CASZ1: variants seen among roughly 807,000 people sequenced by gnomAD.
CASZ1 encodes castor zinc finger 1, also known as zinc finger protein castor homolog 1.
In CASZ1, 28 loss-of-function variants were observed where a neutral mutation model predicts 135.2. The observed-to-expected ratio is 0.21, with a 90% CI of 0.15 to 0.28. The LOEUF is 0.28. Among genes scored for constraint, CASZ1 ranks in the 10% least tolerant of loss-of-function variants. The probability of loss-of-function intolerance (pLI) is 1.00; values close to 1 mark genes in which losing one functional copy is unlikely to be tolerated. For missense variants in CASZ1, 2,161 were observed against 2,453.3 expected, an observed-to-expected ratio of 0.88 and a Z score of 2.52; for synonymous variants, 1,068 against 1,073.4, an observed-to-expected ratio of 0.99 and a Z score of 0.10.
chr1:10,654,504 C>T lies in CASZ1; in HGVS notation c.1753G>A (p.Gly585Ser), dbSNP rs1642722275. 3 of 1,614,122 alleles carry T rather than the reference C, an allele frequency of 1.9e-6. No homozygotes were observed. Among genetic ancestry groups the T allele is most frequent in the Non-Finnish European group, 2.5e-6 (3 of 1,180,054 alleles). The change falls in exon 10 of 21, where the codon GGC becomes AGC. Residue 585 changes from glycine to serine, a missense_variant. Physicochemically the swap from Gly to Ser is moderately conservative, Grantham distance 56. This residue lies in a region of CASZ1 where 248 missense variants were observed against 410.8 expected (regional missense o/e 0.60). Coordinates refer to ENST00000377022, the MANE Select transcript of CASZ1 (RefSeq NM_001079843.3). ...HKKNTQLIND[G>S]FQRFRATEDC... ...TCGGTGGCTCGGAAGCGCTGGAAGC[C>T]GTCGTTAATGAGCTGGGTATTCTTC... is the stretch of plus-strand genomic sequence containing the variant.
At chr1:10,688,955 T>C (rs553564063) in intron 4 of CASZ1, among the ~76,000 whole-genome samples, 2 of 152,036 alleles carry the variant, frequency 1.3e-5, no homozygotes, top group Admixed American at 1.3e-4. Context: ...ATTACTACAG[T>C]GCAACTTCCT....
At position 10,741,787 on chromosome 1, in the gene CASZ1, T is replaced by A. The variant is rs187181271; in HGVS notation, c.-77+18914A>T. 2.0e-4 allele frequency among the ~76,000 whole-genome samples: 30 copies of A among 152,082 alleles called. No homozygotes were observed. The East Asian group carries it at 5.6e-3, about 29-fold the overall frequency. On this transcript the variant is annotated intron_variant, in intron 2 of 20. Transcript: ENST00000377022. This position sits in a 1 kb window ranked among gnomAD's most constrained non-coding sequence, Gnocchi z 5.0. The stretch of plus-strand genomic sequence containing the variant: ...AGTCTTTACAAACGACTTTTATACA[T>A]ATTTATATATATATATAGTTATATA...
At chr1:10,740,135 T>A (rs976153877) in intron 2 of CASZ1, among the ~76,000 whole-genome samples, 3 of 152,240 alleles carry the variant, frequency 2.0e-5, no homozygotes, top group African/African-American at 7.2e-5. Flanking sequence ...CCCCATAGGA[T>A]ACGAGTTACC....
intron 4 of CASZ1, among the ~76,000 whole-genome samples, chr1:10,690,566 G>A (rs1030335790): frequency 1.4e-4 from 21 of 152,198 alleles, no homozygotes; most frequent in Admixed American, 1.4e-3. Context: ...GGGGGTCCTG[G>A]CCTGGAGCCC....
chr1:10,675,474 G>A (rs368503310), intron 4 of CASZ1, among the ~76,000 whole-genome samples: 50 of 152,122 alleles, frequency 3.3e-4, no homozygotes, highest in African/African-American at 1.2e-3. Flanking sequence ...AGGCCTGGGT[G>A]GGGAGGCTTC....
At position 10,700,704 on chromosome 1, in the gene CASZ1, G is replaced by T. The variant is rs1286420619; in HGVS notation, c.-24+4788C>A. 6.6e-6 allele frequency among the ~76,000 whole-genome samples: 1 copy of T among 152,106 alleles called. No homozygotes were observed. Among genetic ancestry groups the T allele is most frequent in the Non-Finnish European group, 1.5e-5 (1 of 68,020 alleles). The stretch of plus-strand genomic sequence containing the variant: ...CAGGCACTGACCCTCTACCTTCCCA[G>T]CATCTTCAGGAAATCATCGTTAGTG... On this transcript the variant is annotated intron_variant, in intron 3 of 20. Coordinates refer to ENST00000377022, the MANE Select transcript of CASZ1 (RefSeq NM_001079843.3). This position sits in a 1 kb window ranked among gnomAD's most constrained non-coding sequence, Gnocchi z 4.2.
intron 3 of CASZ1, among the ~76,000 whole-genome samples, chr1:10,696,425 G>A (rs558229252): frequency 6.6e-6 from 1 of 152,382 alleles, no homozygotes; most frequent in African/African-American, 2.4e-5. Context: ...CTGGGAGTAT[G>A]ACTGCCCGTA....
At chr1:10,677,083 GC>G (rs1055720561) in intron 4 of CASZ1, among the ~76,000 whole-genome samples, 2 of 152,142 alleles carry the variant, frequency 1.3e-5, no homozygotes, top group Admixed American at 6.5e-5. Context: ...GGGCTCCATC[GC>G]CCCCCGCCTC....
At chr1:10,793,980 C>T (rs1641011986) in intron 1 of CASZ1, among the ~76,000 whole-genome samples, 1 of 152,162 alleles carries the variant, frequency 6.6e-6, no homozygotes, top group Admixed American at 6.5e-5. Flanking sequence ...GGACGCAAAC[C>T]CGGCGCTTTG....
rs1341171157 is a variant in CASZ1 at position 10,739,435 on chromosome 1, T to C, written c.-77+21266A>G. 1.3e-5 allele frequency among the ~76,000 whole-genome samples: 2 copies of C among 152,030 alleles called. No homozygotes were observed. Among genetic ancestry groups the C allele is most frequent in the African/African-American group, 4.8e-5 (2 of 41,368 alleles). Reference sequence around the variant, plus strand: ...GGAAGGGCATGGGGCACAGCATGTGTGTGGCCCACACAAGGGCGGTCTGCT... The same window carrying C: ...GGAAGGGCATGGGGCACAGCATGTGCGTGGCCCACACAAGGGCGGTCTGCT... On this transcript the variant is annotated intron_variant, in intron 2 of 20. Transcript: ENST00000377022. This position sits in a 1 kb window ranked among gnomAD's most constrained non-coding sequence, Gnocchi z 4.8.
chr1:10,664,479 G>A (rs1643162310), intron 5 of CASZ1, among the ~76,000 whole-genome samples: 1 of 152,184 alleles, frequency 6.6e-6, no homozygotes, highest in Admixed American at 6.5e-5. Flanking sequence ...GCAGCTGGCT[G>A]TAAGAGGATA....
chr1:10,739,183 G>A lies in CASZ1; in HGVS notation c.-77+21518C>T, dbSNP rs544564840. Among the ~76,000 whole-genome samples, 8 of 152,192 alleles carry A rather than the reference G, an allele frequency of 5.3e-5. No individual in the cohort carries two copies. The highest frequency in any genetic ancestry group is 1.9e-4 in the East Asian group (1 of 5,170). On this transcript the variant is annotated intron_variant, in intron 2 of 20. Coordinates refer to ENST00000377022, the MANE Select transcript of CASZ1 (RefSeq NM_001079843.3). This position sits in a 1 kb window ranked among gnomAD's most constrained non-coding sequence, Gnocchi z 4.8. Reference sequence around the variant, plus strand: ...GGAGGGTGGCTGCTCTTTTCAGGCCGGCGGCCAGTCCCCGGGCGTACAGCG... The same window carrying A: ...GGAGGGTGGCTGCTCTTTTCAGGCCAGCGGCCAGTCCCCGGGCGTACAGCG...
intron 1 of CASZ1, among the ~76,000 whole-genome samples, chr1:10,785,075 C>CTCCT (rs1387815609): frequency 1.4e-5 from 1 of 72,742 alleles, no homozygotes; most frequent in South Asian, 3.6e-4. Context: ...CTCTCTCTCC[C>CTCCT]TCCTTCCTTC....
At position 10,638,193 on chromosome 1, in the gene CASZ1, AT is replaced by A. The variant is rs564213932; in HGVS notation, c.*748del. 5.7e-4 allele frequency: 87 copies of A among 152,542 alleles called. 1 individual carries two copies. The highest frequency in any genetic ancestry group is 1.7e-3 in the African/African-American group (72 of 41,586). The allele number at this position is 152,542 out of a possible 1,614,324, so 9.4% of individuals were successfully genotyped here. ...TCTTGTATTTTTTTCCATTTTGAAC[AT>A]TAAAGCCAAAACCAGGCGCATCCTT... is the stretch of plus-strand genomic sequence containing the variant. On this transcript the variant is annotated 3_prime_UTR_variant, in exon 21 of 21. Coordinates refer to ENST00000377022, the MANE Select transcript of CASZ1 (RefSeq NM_001079843.3). This position sits in a 1 kb window ranked among gnomAD's most constrained non-coding sequence, Gnocchi z 5.9.
intron 2 of CASZ1, among the ~76,000 whole-genome samples, chr1:10,754,871 A>G (rs905022035): frequency 6.6e-6 from 1 of 152,148 alleles, no homozygotes; most frequent in South Asian, 2.1e-4. Context: ...TTACTAAGGG[A>G]AAAAAAAGTC....
chr1:10,639,250 C>A lies in CASZ1; in HGVS notation c.4972G>T (p.Gly1658Trp). The A allele has an allele frequency of 1.1e-6, 1 of 948,390 alleles. No homozygotes were observed. Among genetic ancestry groups the A allele is most frequent in the Non-Finnish European group, 1.3e-6 (1 of 797,728 alleles). 58.7% of individuals were successfully genotyped at this position (948,390 alleles called of 1,614,324 possible). The change falls in exon 21 of 21, where the codon GGG (glycine) becomes TGG (tryptophan). Residue 1658 changes from glycine to tryptophan, a missense_variant. Around this residue, in one of 7 missense-constraint regions of CASZ1, gnomAD observed 185 missense variants for 134.7 expected, o/e 1.37. Coordinates refer to ENST00000377022, the MANE Select transcript of CASZ1 (RefSeq NM_001079843.3). This position sits in a 1 kb window ranked among gnomAD's most constrained non-coding sequence, Gnocchi z 4.0. Reference protein sequence around the residue: ...DPGPPDAAAPGPREGAAAAAA... With the variant: ...DPGPPDAAAPWPREGAAAAAA... Reference sequence around the variant, plus strand: ...GCGGCGGCGGCGCCCTCGCGCGGCCCGGGGGCGGCGGCGTCGGGCGGGCCG... The same window carrying A: ...GCGGCGGCGGCGCCCTCGCGCGGCCAGGGGGCGGCGGCGTCGGGCGGGCCG...
At chr1:10,670,100 G>C (rs574637322) in intron 4 of CASZ1, among the ~76,000 whole-genome samples, 1 of 152,188 alleles carries the variant, frequency 6.6e-6, no homozygotes. Context: ...GGGGTGGGCT[G>C]GGGCCCTGCC....
In CASZ1 at chr1:10,659,808, G is replaced by A; in HGVS notation, c.1234C>T (p.Pro412Ser). The change falls in exon 6 of 21, where the codon CCA (proline) becomes TCA (serine). Residue 412 changes from proline (P) to serine (S), a missense_variant. Around this residue, in one of 7 missense-constraint regions of CASZ1, gnomAD observed 590 missense variants for 609.8 expected, o/e 0.97. Transcript: ENST00000377022. ...AGGGAGGCAGGAGGCTCTGGCCCTG[G>A]CCCGGGGGCGCTGGGGGCACTGGGC... ...SVPSAPSAPG[P>S]GPEPPASLSF... is the part of the protein sequence containing the mutation. 6.2e-7 allele frequency: 1 copy of A among 1,613,770 alleles called. No homozygotes were observed. The highest frequency in any genetic ancestry group is 1.1e-5 in the South Asian group (1 of 91,078).
chr1:10,706,651 C>T lies in CASZ1; in HGVS notation c.-76-1107G>A, dbSNP rs1441425638. On this transcript the variant is annotated intron_variant, in intron 2 of 20. Coordinates refer to ENST00000377022, the MANE Select transcript of CASZ1 (RefSeq NM_001079843.3). The surrounding 1 kb of genome is among the most constrained non-coding windows in gnomAD (Gnocchi z 4.3). Reference sequence around the variant, plus strand: ...CAGATAATGCTAATTGTACTTGACACGTCCTCTTAAGGAGGGCTCGGCTCT... The same window carrying T: ...CAGATAATGCTAATTGTACTTGACATGTCCTCTTAAGGAGGGCTCGGCTCT... Among the ~76,000 whole-genome samples the T allele has an allele frequency of 5.3e-5, 8 of 152,236 alleles. No homozygotes were observed. The highest frequency in any genetic ancestry group is 3.9e-4 in the Admixed American group (6 of 15,288).
Sources: allele counts gnomAD v4.1 joint callset (sites outside exome capture counted in the v4.1 genomes callset), GRCh38; gene constraint gnomAD v4.1.1; regional missense constraint gnomAD v4.1.1; non-coding constraint Gnocchi (gnomAD v3.1); transcripts MANE v1.5; gene names NCBI Gene and HGNC (gene_info 2026-07-23, HGNC 2026-07-21).